The following TENT2 variants were observed in gnomAD, a reference collection of about 807,000 sequenced individuals.
TENT2 encodes terminal nucleotidyltransferase 2, also known as poly(A) RNA polymerase GLD2.
In TENT2, 44 loss-of-function variants were observed where a neutral mutation model predicts 72.2. The observed-to-expected ratio is 0.61, with a 90% CI of 0.48 to 0.78. TENT2 has a LOEUF of 0.78. Among genes scored for constraint, TENT2 ranks in the 30% least tolerant of loss-of-function variants. The pLI is 0.00. For synonymous variants in TENT2, 212 were observed against 192.5 expected (o/e 1.10, Z -0.84); for missense variants, 541 against 569.6 (o/e 0.95, Z 0.51).
intron 10 of TENT2, among the ~76,000 whole-genome samples, chr5:79,651,431 CTATGT>C (rs1793936895): frequency 2.7e-5 from 4 of 150,484 alleles, no homozygotes; most frequent in Non-Finnish European, 5.9e-5. Flanking sequence ...TTTTATTTTG[CTATGT>C]TAAGTATTAG....
chr5:79,671,853 A>C (rs1405742808), intron 12 of TENT2, among the ~76,000 whole-genome samples: 5 of 152,294 alleles, frequency 3.3e-5, no homozygotes, highest in East Asian at 1.9e-4. Flanking sequence ...CTGTAATCCC[A>C]GCACTTTGAG....
rs576110000 is a variant in TENT2 at position 79,654,425 on chromosome 5, C to CT, written c.1028-2532dup. On this transcript the variant is annotated intron_variant, in intron 10 of 14. Coordinates refer to ENST00000453514, the MANE Select transcript of TENT2 (RefSeq NM_001114394.3). ...CAGCCTGGGCAACAAGAGCGAAACT[C>CT]TGTCTCAAAAAAAAAAAGTAATGAA... Among the ~76,000 whole-genome samples the CT allele has an allele frequency of 2.0e-5, 3 of 150,554 alleles. No individual in the cohort carries two copies. In the South Asian group the frequency reaches 6.3e-4, roughly 32 times the overall value.
At position 79,643,005 on chromosome 5, in the gene TENT2, G is replaced by T. The variant is rs1785646315; in HGVS notation, c.751+95G>T. 2.1e-6 allele frequency: 3 copies of T among 1,452,528 alleles called. No individual in the cohort carries two copies. In the Admixed American group the frequency reaches 7.4e-5, roughly 36 times the overall value. The allele number at this position is 1,452,528 out of a possible 1,614,324, so 90.0% of individuals were successfully genotyped here. A position where few individuals can be genotyped will look rare whatever the true frequency, so the allele number is the denominator to read the frequency against. The stretch of plus-strand genomic sequence containing the variant: ...CTTCTGGTAAGAACTGTTTATTCTG[G>T]TCAGGATCAGTATAATATGAATTCT... On this transcript the variant is annotated intron_variant, in intron 7 of 14. Transcript: ENST00000453514.
intron 4 of TENT2, chr5:79,623,779 G>GA (rs368170393): frequency 0.2 from 37,177 of 186,454 alleles, 4,378 homozygotes; most frequent in African/African-American, 0.41. Context: ...TGTTTTTACT[G>GA]AAAAAAAAAA....
chr5:79,623,334 A>G lies in TENT2; in HGVS notation c.310A>G (p.Asn104Asp), dbSNP rs201783099. 2.8e-5 allele frequency: 45 copies of G among 1,613,854 alleles called. No individual in the cohort carries two copies. In the East Asian group the frequency reaches 9.6e-4, roughly 34 times the overall value. Reference protein sequence around the residue: ...HSPHQEPTVVNQIVPLSGERR... With the variant: ...HSPHQEPTVVDQIVPLSGERR... ...ACCCCACCAAGAGCCAACTGTAGTTAACCAGATAGTGCCTTTATCAGGTGA... is the reference window on the plus strand; with the variant it reads ...ACCCCACCAAGAGCCAACTGTAGTTGACCAGATAGTGCCTTTATCAGGTGA... The change falls in exon 4 of 15, where the codon AAC becomes GAC. Residue 104 changes from asparagine to aspartate, a missense_variant. Coordinates refer to ENST00000453514, the MANE Select transcript of TENT2 (RefSeq NM_001114394.3).
chr5:79,633,021 T>C (rs1205420061), intron 4 of TENT2, among the ~76,000 whole-genome samples: 1 of 152,204 alleles, frequency 6.6e-6, no homozygotes, highest in Admixed American at 6.5e-5. Flanking sequence ...TCCAACTTTG[T>C]CCTTACACAA....
chr5:79,634,045 T>C (rs1272209843), intron 4 of TENT2, among the ~76,000 whole-genome samples: 3 of 146,170 alleles, frequency 2.1e-5, no homozygotes, highest in African/African-American at 5.0e-5. Flanking sequence ...GGCGGACGCC[T>C]ATAGTCCCAG....
chr5:79,628,129 T>C (rs1034076446), intron 4 of TENT2, among the ~76,000 whole-genome samples: 7 of 152,190 alleles, frequency 4.6e-5, no homozygotes, highest in African/African-American at 1.7e-4. Flanking sequence ...ATTGTAACTC[T>C]AATACAAGGT....
intron 10 of TENT2, among the ~76,000 whole-genome samples, chr5:79,652,180 T>A (rs1352985135): frequency 6.6e-6 from 1 of 152,068 alleles, no homozygotes; most frequent in African/African-American, 2.4e-5. Flanking sequence ...GCTATTTTTT[T>A]ATGGTGTTAC....
At chr5:79,674,388 C>T (rs1177712576) in intron 12 of TENT2, among the ~76,000 whole-genome samples, 2 of 152,086 alleles carry the variant, frequency 1.3e-5, no homozygotes, top group Non-Finnish European at 1.5e-5. Context: ...GGCGACAGGG[C>T]GAGACCCCCT....
chr5:79,616,968 A>G (rs1327647443), intron 1 of TENT2, among the ~76,000 whole-genome samples: 1 of 152,048 alleles, frequency 6.6e-6, no homozygotes, highest in Non-Finnish European at 1.5e-5. Context: ...AAAACAAGGA[A>G]CAATGTTTGT....
chr5:79,642,357 G>A (rs1296617429), intron 6 of TENT2, among the ~76,000 whole-genome samples: 1 of 151,806 alleles, frequency 6.6e-6, no homozygotes, highest in Admixed American at 6.6e-5. Flanking sequence ...AAACTTTTTC[G>A]TGCTGCTAGA....
chr5:79,646,295 A>G (rs1328314722), intron 8 of TENT2, among the ~76,000 whole-genome samples: 1 of 152,192 alleles, frequency 6.6e-6, no homozygotes. Context: ...TTAATGAATC[A>G]ACCGTATATA....
In TENT2 at chr5:79,681,150, AT is replaced by A. The variant is rs1158559796; in HGVS notation, c.1301-804del. Reference sequence around the variant, plus strand: ...AGTTACTTCTTTTTTCTTTTCTTTGATTTTTTTTTTTTTTTTTTTTTTTTTT... The same window carrying A: ...AGTTACTTCTTTTTTCTTTTCTTTGATTTTTTTTTTTTTTTTTTTTTTTTT... On this transcript the variant is annotated intron_variant, in intron 13 of 14. Coordinates refer to ENST00000453514, the MANE Select transcript of TENT2 (RefSeq NM_001114394.3). 6.7e-3 allele frequency among the ~76,000 whole-genome samples: 300 copies of A among 44,742 alleles called. 1 individual carries two copies. The highest frequency in any genetic ancestry group is 0.012 in the African/African-American group (137 of 11,458). 29.4% of individuals were successfully genotyped at this position (44,742 alleles called of 152,430 possible).
chr5:79,624,030 GGGAAC>G (rs2150019676), intron 4 of TENT2, among the ~76,000 whole-genome samples: 1 of 152,140 alleles, frequency 6.6e-6, no homozygotes, highest in South Asian at 2.1e-4. Flanking sequence ...GTCAGCATTG[GGGAAC>G]AATGAGTTAT....
chr5:79,629,807 A>T (rs1773680395), intron 4 of TENT2, among the ~76,000 whole-genome samples: 1 of 139,124 alleles, frequency 7.2e-6, no homozygotes, highest in African/African-American at 3.0e-5. Flanking sequence ...AGCCTGGGCA[A>T]CAGAGTGAGA....
Position 79,679,656 on chromosome 5 carries a change from A to C in TENT2, c.1286A>C (p.Tyr429Ser), listed in dbSNP as rs763355181. ...RPDGIEWRNK[Y>S]ICVEEPFDGT... is the part of the protein sequence containing the mutation. ...GATGGTATTGAATGGAGAAATAAAT[A>C]CATCTGTGTAGAAGGTAGTTTTCTG... is the stretch of plus-strand genomic sequence containing the variant. The change falls in exon 13 of 15, where the codon TAC becomes TCC. Residue 429 changes from tyrosine (Y) to serine (S), a missense_variant. Tyr to Ser is a moderately radical substitution (Grantham distance 144). Transcript: ENST00000453514. 7.6e-6 allele frequency: 12 copies of C among 1,585,102 alleles called. No individual in the cohort carries two copies. The highest frequency in any genetic ancestry group is 1.0e-5 in the Non-Finnish European group (12 of 1,163,694).
intron 14 of TENT2, among the ~76,000 whole-genome samples, chr5:79,684,979 G>A (rs968465399): frequency 2.0e-5 from 3 of 152,182 alleles, no homozygotes; most frequent in African/African-American, 7.2e-5. Context: ...GATCTCTTGA[G>A]CCTGGAAAGC....
chr5:79,667,073 T>C (rs1378427083), intron 11 of TENT2, among the ~76,000 whole-genome samples: 1 of 152,196 alleles, frequency 6.6e-6, no homozygotes, highest in East Asian at 1.9e-4. Flanking sequence ...CATTCAGCAT[T>C]TTAATGGAGT....
Sources: allele counts gnomAD v4.1 joint callset (sites outside exome capture counted in the v4.1 genomes callset), GRCh38; gene constraint gnomAD v4.1.1; transcripts MANE v1.5; gene names NCBI Gene and HGNC (gene_info 2026-07-23, HGNC 2026-07-21).